NCALD: variants seen among roughly 807,000 people sequenced by gnomAD.
NCALD encodes neurocalcin delta.
NCALD carries 10 observed loss-of-function variants against 18.6 expected under a neutral mutation model. The observed-to-expected ratio is 0.54, with a 90% CI of 0.33 to 0.91. The LOEUF is 0.91. NCALD is among the 40% of genes least tolerant of loss of function. The pLI is 0.03. For missense variants in NCALD, 184 were observed against 247.6 expected (o/e 0.74, Z 1.72); for synonymous variants, 88 against 87.4 (o/e 1.01, Z -0.04).
intron 4 of NCALD, among the ~76,000 whole-genome samples, chr8:101,860,700 G>A (rs1186166469): frequency 6.6e-6 from 1 of 152,264 alleles, no homozygotes; most frequent in African/African-American, 2.4e-5. Flanking sequence ...ATTATATTGG[G>A]AAGATGGGAG....
intron 2 of NCALD, among the ~76,000 whole-genome samples, chr8:101,700,850 T>C (rs1815231162): frequency 6.6e-6 from 1 of 152,012 alleles, no homozygotes; most frequent in South Asian, 2.1e-4. Context: ...ATGAACGGCG[T>C]CCGAAGTCCC....
intron 2 of NCALD, among the ~76,000 whole-genome samples, chr8:102,015,047 G>C (rs1252165658): frequency 7.2e-5 from 11 of 152,136 alleles, no homozygotes. Context: ...ATGCTCCCGA[G>C]ATGGCTAGGA....
At chr8:102,104,354 G>A (rs1825380594) in intron 1 of NCALD, among the ~76,000 whole-genome samples, 1 of 151,974 alleles carries the variant, frequency 6.6e-6, no homozygotes, top group South Asian at 2.1e-4. Flanking sequence ...TTCAAATAGG[G>A]GGCACCTAGC....
intron 2 of NCALD, among the ~76,000 whole-genome samples, chr8:101,924,914 G>A (rs1372307306): frequency 6.6e-6 from 1 of 152,134 alleles, no homozygotes; most frequent in African/African-American, 2.4e-5. Flanking sequence ...TTCCCTTAAA[G>A]GACCTTTGTT....
chr8:102,006,456 A>G (rs1014063399), intron 2 of NCALD, among the ~76,000 whole-genome samples: 2 of 152,142 alleles, frequency 1.3e-5, no homozygotes, highest in African/African-American at 4.8e-5. Context: ...GGTTATTGTC[A>G]CTTCATCTCC....
intron 2 of NCALD, among the ~76,000 whole-genome samples, chr8:101,935,185 A>C (rs1241642034): frequency 6.6e-6 from 1 of 152,150 alleles, no homozygotes; most frequent in Non-Finnish European, 1.5e-5. Flanking sequence ...AGGCAAAAAA[A>C]AAATATAGGT....
intron 3 of NCALD, among the ~76,000 whole-genome samples, chr8:101,904,029 GC>G (rs1238632267): frequency 6.6e-6 from 1 of 152,170 alleles, no homozygotes; most frequent in Non-Finnish European, 1.5e-5. Flanking sequence ...AGCATAAATG[GC>G]CCTGATCCTT....
intron 2 of NCALD, among the ~76,000 whole-genome samples, chr8:101,921,464 T>G (rs1277825662): frequency 6.6e-6 from 1 of 152,076 alleles, no homozygotes; most frequent in Non-Finnish European, 1.5e-5. Flanking sequence ...AACTACCAAT[T>G]TCTGTATATT....
chr8:102,093,807 T>G (rs1372597819), intron 1 of NCALD, among the ~76,000 whole-genome samples: 3 of 152,220 alleles, frequency 2.0e-5, no homozygotes, highest in Non-Finnish European at 4.4e-5. Flanking sequence ...CTTGTGCTTT[T>G]GAGCCACTGA....
chr8:101,837,078 G>T (rs1262717068), intron 4 of NCALD, among the ~76,000 whole-genome samples: 1 of 152,182 alleles, frequency 6.6e-6, no homozygotes, highest in Non-Finnish European at 1.5e-5. Flanking sequence ...TAGGGTTACA[G>T]GATTCTTCTT....
intron 2 of NCALD, among the ~76,000 whole-genome samples, chr8:101,973,370 T>C (rs1371188840): frequency 6.6e-6 from 1 of 152,158 alleles, no homozygotes; most frequent in Admixed American, 6.5e-5. Context: ...CGGCCCTCTG[T>C]TGCAAGCTGT....
intron 1 of NCALD, among the ~76,000 whole-genome samples, chr8:102,026,074 A>G (rs1822444129): frequency 6.6e-6 from 1 of 152,176 alleles, no homozygotes; most frequent in South Asian, 2.1e-4. Context: ...TCAATGATTC[A>G]GTTGCCTCCC....
intron 3 of NCALD, among the ~76,000 whole-genome samples, chr8:101,893,201 C>T (rs1341751393): frequency 1.3e-5 from 2 of 151,690 alleles, no homozygotes; most frequent in Non-Finnish European, 2.9e-5. Context: ...AGAGTGGGGG[C>T]CAATATTCAA....
chr8:101,969,961 T>C (rs932636677), intron 2 of NCALD, among the ~76,000 whole-genome samples: 1 of 152,152 alleles, frequency 6.6e-6, no homozygotes, highest in African/African-American at 2.4e-5. Flanking sequence ...TTACAGATAA[T>C]AGAGCATACA....
At chr8:102,065,192 C>T (rs1220397380) in intron 1 of NCALD, among the ~76,000 whole-genome samples, 1 of 151,664 alleles carries the variant, frequency 6.6e-6, no homozygotes, top group Non-Finnish European at 1.5e-5. Context: ...GCGGCTGCAA[C>T]AGATTTCGAT....
intron 1 of NCALD, among the ~76,000 whole-genome samples, 198 bp from the exon 2 acceptor site, chr8:101,719,846 C>G (rs1414829021): frequency 1.3e-5 from 2 of 152,290 alleles, no homozygotes; most frequent in East Asian, 1.9e-4. Context: ...AGAGGATGCA[C>G]AGCAGAATTA....
chr8:101,994,883 C>T (rs1177242343), intron 2 of NCALD, among the ~76,000 whole-genome samples: 1 of 152,214 alleles, frequency 6.6e-6, no homozygotes, highest in African/African-American at 2.4e-5. Context: ...AGTGGCCCAT[C>T]TAACTTTTTT....
chr8:102,089,002 A>G (rs2132364387), intron 1 of NCALD, among the ~76,000 whole-genome samples: 1 of 152,170 alleles, frequency 6.6e-6, no homozygotes, highest in East Asian at 1.9e-4. Context: ...ATTTTGGGGG[A>G]GCTATTTTGC....
intron 2 of NCALD, among the ~76,000 whole-genome samples, chr8:101,983,747 A>G (rs902012633): frequency 3.9e-5 from 6 of 152,126 alleles, no homozygotes; most frequent in African/African-American, 1.2e-4. Flanking sequence ...AGGTTTGCCA[A>G]TGGAACTCCT....
Sources: gnomAD v4.1 joint callset for allele counts (sites outside exome capture counted in the v4.1 genomes callset) on GRCh38, gnomAD v4.1.1 for gene constraint, MANE v1.5 for transcripts, NCBI Gene and HGNC (gene_info 2026-07-23, HGNC 2026-07-21) for gene names.